Variants in CENPP observed in about 807,000 individuals in gnomAD.
The protein encoded by CENPP is centromere protein P.
In CENPP, 24 loss-of-function variants were observed where a neutral mutation model predicts 35.6. That is an observed-to-expected ratio of 0.67 (90% CI 0.49 to 0.95). CENPP has a LOEUF of 0.95. CENPP is among the 40% of genes least tolerant of loss of function. CENPP has a pLI of 0.00. For synonymous variants in CENPP, 120 were observed against 125.5 expected (o/e 0.96, Z 0.29); for missense variants, 332 against 345.3 (o/e 0.96, Z 0.31).
chr9:92,371,892 G>T (rs1191667919), intron 4 of CENPP, among the ~76,000 whole-genome samples: 1 of 143,942 alleles, frequency 6.9e-6, no homozygotes, highest in Non-Finnish European at 1.5e-5. Context: ...TTGAGACGGA[G>T]TCTCTCTCTG....
rs1221182141 is a variant in CENPP at position 92,327,676 on chromosome 9, CA to C, written c.107+1575del. 5.9e-5 allele frequency among the ~76,000 whole-genome samples: 9 copies of C among 152,288 alleles called. No homozygotes were observed. In the East Asian group the frequency reaches 1.7e-3, roughly 29 times the overall value. The stretch of plus-strand genomic sequence containing the variant: ...ACAAGTCCATGGTTGGTGATCTTAT[CA>C]AAAGAAAATTTTTGAAATCATTCTC... On this transcript the variant is annotated intron_variant, in intron 1 of 7. Transcript: ENST00000375587.
chr9:92,412,031 T>G (rs2130949192), intron 5 of CENPP, among the ~76,000 whole-genome samples: 1 of 152,232 alleles, frequency 6.6e-6, no homozygotes, highest in East Asian at 1.9e-4. Context: ...ATAAGTCACA[T>G]TCAATACAAT....
intron 4 of CENPP, among the ~76,000 whole-genome samples, chr9:92,350,844 T>A (rs1171174179): frequency 6.6e-6 from 1 of 152,216 alleles, no homozygotes; most frequent in Non-Finnish European, 1.5e-5. Context: ...CTTGGTTTTT[T>A]TGTTCACTAT....
At chr9:92,342,977 G>A (rs1841169551) in intron 3 of CENPP, among the ~76,000 whole-genome samples, 1 of 152,082 alleles carries the variant, frequency 6.6e-6, no homozygotes, top group Non-Finnish European at 1.5e-5. Flanking sequence ...TGTGAAGACT[G>A]ATAGAAAAAG....
intron 5 of CENPP, chr9:92,514,989 T>C: frequency 6.2e-7 from 1 of 1,614,132 alleles, no homozygotes; most frequent in Non-Finnish European, 8.5e-7. Context: ...GATTTCTAGA[T>C]TCAGGGGTCT....
chr9:92,494,362 G>A (rs1291634241), intron 5 of CENPP, among the ~76,000 whole-genome samples: 2 of 152,174 alleles, frequency 1.3e-5, no homozygotes, highest in Non-Finnish European at 2.9e-5. Context: ...TTAAATGGAT[G>A]TGTAACCCTA....
At chr9:92,576,031 G>C (rs1224697311) in intron 5 of CENPP, among the ~76,000 whole-genome samples, 1 of 152,176 alleles carries the variant, frequency 6.6e-6, no homozygotes, top group Non-Finnish European at 1.5e-5. Flanking sequence ...TGAAAGCAGA[G>C]TCTTCAGATA....
chr9:92,474,715 C>T, intron 5 of CENPP: 1 of 1,613,090 alleles, frequency 6.2e-7, no homozygotes, highest in Non-Finnish European at 8.5e-7. Flanking sequence ...GGCTTCTTGG[C>T]TCTCTTGTTG....
chr9:92,538,834 G>A (rs914091335), intron 5 of CENPP, among the ~76,000 whole-genome samples: 2 of 152,144 alleles, frequency 1.3e-5, no homozygotes, highest in African/African-American at 4.8e-5. Context: ...GTGCCACAGG[G>A]CCATCTGCCT....
At chr9:92,562,893 T>C (rs765265679) in intron 5 of CENPP, among the ~76,000 whole-genome samples, 12 of 152,154 alleles carry the variant, frequency 7.9e-5, no homozygotes, top group Non-Finnish European at 1.8e-4. Flanking sequence ...GTTTAATAAA[T>C]CAAAACATAG....
intron 5 of CENPP, chr9:92,482,263 C>T (rs560117738): frequency 3.3e-5 from 5 of 151,956 alleles, no homozygotes; most frequent in African/African-American, 4.8e-5. Flanking sequence ...AAGTATACAT[C>T]GATACTTGTA....
At chr9:92,361,135 T>TATTTATTTATTTATTTATTTATTA (rs1300111803) in intron 4 of CENPP, among the ~76,000 whole-genome samples, 14 of 151,462 alleles carry the variant, frequency 9.2e-5, no homozygotes, top group Non-Finnish European at 1.8e-4. Flanking sequence ...TTACTTTATT[T>TATTTATTTATTTATTTATTTATTA]ATTTATTTAT....
At chr9:92,328,076 C>T (rs571275647) in intron 1 of CENPP, among the ~76,000 whole-genome samples, 1 of 152,034 alleles carries the variant, frequency 6.6e-6, no homozygotes, top group South Asian at 2.1e-4. Flanking sequence ...TCTTTGGGGT[C>T]CCCTTGACCA....
intron 5 of CENPP, among the ~76,000 whole-genome samples, chr9:92,538,016 CAG>C (rs1849231188): frequency 6.6e-6 from 1 of 151,994 alleles, no homozygotes; most frequent in African/African-American, 2.4e-5. Flanking sequence ...GTAGGGAAAA[CAG>C]AAACTCTCCT....
chr9:92,534,385 G>C (rs1248457206), intron 5 of CENPP, among the ~76,000 whole-genome samples: 3 of 152,168 alleles, frequency 2.0e-5, no homozygotes, highest in Admixed American at 2.0e-4. Flanking sequence ...CACTTAGTTA[G>C]TTCATAGTCT....
intron 6 of CENPP, among the ~76,000 whole-genome samples, chr9:92,611,972 T>G (rs1044664291): frequency 6.6e-6 from 1 of 152,214 alleles, no homozygotes; most frequent in East Asian, 1.9e-4. Flanking sequence ...GGGACTTGCC[T>G]TTGTCACCGT....
intron 5 of CENPP, among the ~76,000 whole-genome samples, chr9:92,556,020 C>T (rs1849716843): frequency 6.6e-6 from 1 of 151,960 alleles, no homozygotes; most frequent in African/African-American, 2.4e-5. Context: ...TTGATGTGGG[C>T]GTTTAGGGCT....
At chr9:92,555,034 T>C (rs1849692379) in intron 5 of CENPP, among the ~76,000 whole-genome samples, 1 of 150,590 alleles carries the variant, frequency 6.6e-6, no homozygotes, top group African/African-American at 2.5e-5. Context: ...GTTGTTGTTG[T>C]TGTTGTGTCC....
intron 5 of CENPP, chr9:92,404,674 A>G (rs751723917): frequency 1.9e-5 from 24 of 1,247,586 alleles, no homozygotes; most frequent in East Asian, 1.3e-4. Flanking sequence ...CTTTGCCAGC[A>G]TTCTTTCTCT....
Sources: gnomAD v4.1 joint callset for allele counts (sites outside exome capture counted in the v4.1 genomes callset) on GRCh38, gnomAD v4.1.1 for gene constraint, MANE v1.5 for transcripts, NCBI Gene and HGNC (gene_info 2026-07-23, HGNC 2026-07-21) for gene names.